The following CACNA1B variants were observed in gnomAD, a reference collection of about 807,000 sequenced individuals.
CACNA1B encodes calcium voltage-gated channel subunit alpha1 B, also known as voltage-dependent N-type calcium channel subunit alpha-1B.
CACNA1B carries 70 observed loss-of-function variants against 247.2 expected under a neutral mutation model. The observed-to-expected ratio is 0.28, with a 90% CI of 0.23 to 0.35. The LOEUF (loss-of-function observed/expected upper bound fraction) is 0.35, where lower values mean the gene tolerates loss of function less well. Ranked by LOEUF, CACNA1B falls within the 10% of genes least tolerant of loss-of-function variation. CACNA1B has a pLI of 1.00. For synonymous variants in CACNA1B, 1,231 were observed against 1,294.4 expected (o/e 0.95, Z 1.05); for missense variants, 2,367 against 3,197.4 (o/e 0.74, Z 6.26).
intron 15 of CACNA1B, among the ~76,000 whole-genome samples, chr9:138,001,878 A>T (rs187590448): frequency 3.3e-5 from 5 of 152,332 alleles, no homozygotes; most frequent in Admixed American, 3.3e-4. Context: ...TTGTTGCAGT[A>T]ATTATGAAAT....
chr9:138,085,224 A>G (rs1372156639), intron 36 of CACNA1B, among the ~76,000 whole-genome samples: 2 of 150,822 alleles, frequency 1.3e-5, no homozygotes, highest in Non-Finnish European at 2.9e-5. Context: ...AAATTGAATG[A>G]ATGAAATTAA....
rs576822352 is a variant in CACNA1B, at chr9:138,102,939, G to A, written c.5319+132G>A. The A allele has an allele frequency of 2.9e-5, 17 of 590,486 alleles. No homozygotes were observed. The highest frequency in any genetic ancestry group is 2.7e-4 in the East Asian group (9 of 33,362). The allele number at this position is 590,486 out of a possible 1,614,324, so 36.6% of individuals were successfully genotyped here. A position where few individuals can be genotyped will look rare whatever the true frequency, so the allele number is the denominator to read the frequency against. Reference sequence around the variant, plus strand: ...GTCTGCCGCTCTGCTGTGCGCCCCCGGCTGCCTCACTGTGTCTTTCTCTTC... The same window carrying A: ...GTCTGCCGCTCTGCTGTGCGCCCCCAGCTGCCTCACTGTGTCTTTCTCTTC... On this transcript the variant is annotated intron_variant, in intron 38 of 46. Transcript: ENST00000371372. This position sits in a 1 kb window ranked among gnomAD's most constrained non-coding sequence, Gnocchi z 5.4.
chr9:138,081,234 C>T (rs1015296939), intron 36 of CACNA1B, among the ~76,000 whole-genome samples: 1 of 152,234 alleles, frequency 6.6e-6, no homozygotes, highest in Admixed American at 6.5e-5. Context: ...ACTCACTAGA[C>T]ATGTCCAGGA....
intron 3 of CACNA1B, among the ~76,000 whole-genome samples, chr9:137,889,177 C>A (rs1316455000): frequency 1.3e-5 from 2 of 150,404 alleles, no homozygotes; most frequent in Non-Finnish European, 3.0e-5. Flanking sequence ...GGGGCCAGGA[C>A]ACGTTGGAGC....
intron 6 of CACNA1B, among the ~76,000 whole-genome samples, chr9:137,947,701 G>T (rs954885761): frequency 2.0e-5 from 3 of 151,898 alleles, no homozygotes; most frequent in Non-Finnish European, 4.4e-5. Flanking sequence ...GGATATTCTT[G>T]GTGGGTATAG....
Position 138,012,028 on chromosome 9 carries a change from G to C in CACNA1B, c.2161-1101G>C, listed in dbSNP as rs1436561629. 6.6e-6 allele frequency among the ~76,000 whole-genome samples: 1 copy of C among 152,210 alleles called. No individual in the cohort carries two copies. Among genetic ancestry groups the C allele is most frequent in the East Asian group, 1.9e-4 (1 of 5,184 alleles). On this transcript the variant is annotated intron_variant, in intron 17 of 46. Coordinates refer to ENST00000371372, the MANE Select transcript of CACNA1B (RefSeq NM_000718.4). The surrounding 1 kb of genome is among the most constrained non-coding windows in gnomAD (Gnocchi z 4.2). ...CCCAGGTGCCGAGCATGTTGGTCTT[G>C]TTTAGTGACTTAGGGTCAGGGCCAG...
At chr9:137,947,423 C>A (rs1369845993) in intron 6 of CACNA1B, among the ~76,000 whole-genome samples, 1 of 152,154 alleles carries the variant, frequency 6.6e-6, no homozygotes, top group Non-Finnish European at 1.5e-5. Context: ...TGCCTCCAGA[C>A]CCTATTCTTC....
chr9:137,987,661 T>C (rs941590251), intron 15 of CACNA1B, among the ~76,000 whole-genome samples: 2 of 152,172 alleles, frequency 1.3e-5, no homozygotes, highest in Admixed American at 6.5e-5. Context: ...GGCTGGAGCC[T>C]ACAACTTGTG....
At chr9:137,918,206 G>C (rs1297875052) in intron 6 of CACNA1B, among the ~76,000 whole-genome samples, 1 of 150,732 alleles carries the variant, frequency 6.6e-6, no homozygotes, top group Non-Finnish European at 1.5e-5. Context: ...TTGAGTATAA[G>C]GCTTGGGGGG....
At chr9:137,958,868 C>T (rs548606261) in intron 10 of CACNA1B, among the ~76,000 whole-genome samples, 2 of 152,252 alleles carry the variant, frequency 1.3e-5, no homozygotes, top group South Asian at 4.1e-4. Flanking sequence ...CTACAATTTT[C>T]CTTTCTCCTA....
At chr9:138,004,083 T>G (rs1958616348) in intron 15 of CACNA1B, among the ~76,000 whole-genome samples, 1 of 151,958 alleles carries the variant, frequency 6.6e-6, no homozygotes, top group South Asian at 2.1e-4. Flanking sequence ...TCGGCGAAGG[T>G]GTGCATAGCC....
chr9:138,101,295 CCTTT>C, intron 37 of CACNA1B: 1 of 464,250 alleles, frequency 2.2e-6, no homozygotes, highest in South Asian at 1.6e-5. Flanking sequence ...CGACGCCTCA[CCTTT>C]CTTTCCTCCT....
At chr9:137,964,412 T>G (rs1564210714) in intron 10 of CACNA1B, among the ~76,000 whole-genome samples, 1 of 152,232 alleles carries the variant, frequency 6.6e-6, no homozygotes, top group East Asian at 1.9e-4. Context: ...TTCTCTGTTT[T>G]TGTCTGCCTG....
intron 31 of CACNA1B, among the ~76,000 whole-genome samples, chr9:138,061,342 A>T (rs1298448045): frequency 6.6e-6 from 1 of 152,140 alleles, no homozygotes; most frequent in Non-Finnish European, 1.5e-5. Context: ...CCAGACCTAA[A>T]ATTGGGGAAG....
chr9:137,886,779 G>A, intron 3 of CACNA1B, among the ~76,000 whole-genome samples: 1 of 152,212 alleles, frequency 6.6e-6, no homozygotes, highest in East Asian at 1.9e-4. Context: ...GTCGGCAGGT[G>A]GACGGATGAG....
At chr9:138,032,397 G>A (rs1958997885) in intron 20 of CACNA1B, among the ~76,000 whole-genome samples, 2 of 152,058 alleles carry the variant, frequency 1.3e-5, no homozygotes, top group South Asian at 4.1e-4. Context: ...TGCTTCAACT[G>A]TCACACATAA....
chr9:137,975,266 GTGA>G (rs1958205620), intron 11 of CACNA1B, among the ~76,000 whole-genome samples: 1 of 152,196 alleles, frequency 6.6e-6, no homozygotes, highest in East Asian at 1.9e-4. Flanking sequence ...GTGTGACTTG[GTGA>G]CAGTGCAAGG....
intron 6 of CACNA1B, among the ~76,000 whole-genome samples, chr9:137,933,647 C>T (rs1163434131): frequency 6.6e-6 from 1 of 152,058 alleles, no homozygotes; most frequent in Admixed American, 6.5e-5. Context: ...CCTTAAGGGC[C>T]CAAGATTGGG....
At chr9:138,044,966 G>T (rs969459955) in intron 21 of CACNA1B, among the ~76,000 whole-genome samples, 1 of 152,232 alleles carries the variant, frequency 6.6e-6, no homozygotes, top group African/African-American at 2.4e-5. Flanking sequence ...TGGCAGGTGA[G>T]GGGTGGTAAC....
Sources: allele counts gnomAD v4.1 joint callset (sites outside exome capture counted in the v4.1 genomes callset), GRCh38; gene constraint gnomAD v4.1.1; non-coding constraint Gnocchi (gnomAD v3.1); transcripts MANE v1.5; gene names NCBI Gene and HGNC (gene_info 2026-07-23, HGNC 2026-07-21).